LRFN5: variants seen among roughly 807,000 people sequenced by gnomAD.
The protein encoded by LRFN5 is leucine rich repeat and fibronectin type III domain containing 5.
LRFN5 carries 24 observed loss-of-function variants against 45.6 expected under a neutral mutation model. The ratio of observed to expected loss-of-function variants is 0.53; its 90% CI spans 0.38 to 0.74. The LOEUF (loss-of-function observed/expected upper bound fraction) is 0.74, where lower values mean the gene tolerates loss of function less well. Ranked by LOEUF, LRFN5 falls within the 30% of genes least tolerant of loss-of-function variation. The pLI is 0.00. For missense variants in LRFN5, 776 were observed against 861.5 expected, an observed-to-expected ratio of 0.90 and a Z score of 1.24; for synonymous variants, 340 against 313.8, an observed-to-expected ratio of 1.08 and a Z score of -0.88.
rs1890594485 is a variant in LRFN5 at position 41,886,948 on chromosome 14, G to A, written c.323G>A (p.Ser108Asn). ...LRNLRALHLN[S>N]NRLTKITNDM... ...AATTTGAGGGCTTTGCATTTGAATA[G>A]CAACAGATTGACTAAAATTACAAAT... The change falls in exon 3 of 6, where the codon AGC becomes AAC. Residue 108 changes from serine (S) to asparagine (N), a missense_variant. By Grantham distance (46) the Ser-to-Asn change is conservative (BLOSUM62 1). Around this residue, in one of 2 missense-constraint regions of LRFN5, gnomAD observed 311 missense variants for 405.1 expected, o/e 0.77. Transcript: ENST00000298119. 1 of 1,614,062 alleles carries A rather than the reference G, an allele frequency of 6.2e-7. No homozygotes were observed. Among genetic ancestry groups the A allele is most frequent in the South Asian group, 1.1e-5 (1 of 91,084 alleles).
rs34638721 is a variant in LRFN5, at chr14:41,797,224, T to A, written c.-21+30195T>A. Among the ~76,000 whole-genome samples, 402 of 151,922 alleles carry A rather than the reference T, an allele frequency of 2.6e-3. 3 individuals are homozygous for A. Among genetic ancestry groups the A allele is most frequent in the Non-Finnish European group, 4.9e-3 (333 of 67,796 alleles). On this transcript the variant is annotated intron_variant, in intron 2 of 5. Transcript: ENST00000298119. Reference sequence around the variant, plus strand: ...TTCATGGCATTTGAAATTATTTATTTATTTGGGCATTAATTTTGAAATTAT... The same window carrying A: ...TTCATGGCATTTGAAATTATTTATTAATTTGGGCATTAATTTTGAAATTAT...
chr14:41,793,329 G>C (rs1356436439), intron 2 of LRFN5, among the ~76,000 whole-genome samples: 1 of 151,964 alleles, frequency 6.6e-6, no homozygotes, highest in Admixed American at 6.6e-5. Flanking sequence ...TTGGAGATGA[G>C]ATAAAATGCA....
intron 2 of LRFN5, among the ~76,000 whole-genome samples, chr14:41,846,518 A>G (rs1889074248): frequency 6.6e-6 from 1 of 152,176 alleles, no homozygotes; most frequent in South Asian, 2.1e-4. Context: ...CCATATACAT[A>G]CCATTCAAAA....
Position 41,720,771 on chromosome 14 carries a change from T to A in LRFN5, c.-196-46083T>A, listed in dbSNP as rs188523972. Among the ~76,000 whole-genome samples the A allele has an allele frequency of 8.6e-3, 1,311 of 152,238 alleles. 9 individuals are homozygous for A. Among genetic ancestry groups the A allele is most frequent in the Non-Finnish European group, 0.014 (944 of 67,960 alleles). The stretch of plus-strand genomic sequence containing the variant: ...TGGTTGGTGTCATTTTGATTTTTTT[T>A]AAATTTATTGAGACTTGCTTTATGG... On this transcript the variant is annotated intron_variant, in intron 1 of 5. Transcript: ENST00000298119.
At chr14:41,854,827 T>A (rs955080245) in intron 2 of LRFN5, among the ~76,000 whole-genome samples, 7 of 152,174 alleles carry the variant, frequency 4.6e-5, no homozygotes, top group Admixed American at 4.6e-4. Flanking sequence ...AGCCTAATTA[T>A]CTTGTAGGTT....
chr14:41,754,551 G>T (rs142290232), intron 1 of LRFN5, among the ~76,000 whole-genome samples: 1 of 152,026 alleles, frequency 6.6e-6, no homozygotes, highest in East Asian at 1.9e-4. Context: ...GTTTATTTGC[G>T]TAGAGGTGTT....
At chr14:41,902,919 T>A (rs1891144599) in intron 5 of LRFN5, among the ~76,000 whole-genome samples, 1 of 151,714 alleles carries the variant, frequency 6.6e-6, no homozygotes, top group Non-Finnish European at 1.5e-5. Context: ...TTTAGTAATA[T>A]ATACCATTAC....
intron 1 of LRFN5, among the ~76,000 whole-genome samples, chr14:41,683,111 A>C (rs1881973622): frequency 6.6e-6 from 1 of 152,202 alleles, no homozygotes; most frequent in Non-Finnish European, 1.5e-5. Context: ...TACATTAAAA[A>C]CATTATTCAG....
intron 2 of LRFN5, among the ~76,000 whole-genome samples, chr14:41,834,097 C>T (rs1214205294): frequency 6.6e-6 from 1 of 151,706 alleles, no homozygotes; most frequent in African/African-American, 2.4e-5. Context: ...TACTTGCTTC[C>T]AGATCTACAT....
chr14:41,671,605 T>TTTTTTTTTTC (rs1881219144), intron 1 of LRFN5, among the ~76,000 whole-genome samples: 1 of 72,110 alleles, frequency 1.4e-5, no homozygotes, highest in African/African-American at 6.4e-5. Flanking sequence ...GGAGGAGAGA[T>TTTTTTTTTTC]TTTTTTTTTT....
At chr14:41,873,476 T>C (rs1890091482) in intron 2 of LRFN5, among the ~76,000 whole-genome samples, 1 of 151,732 alleles carries the variant, frequency 6.6e-6, no homozygotes, top group African/African-American at 2.4e-5. Flanking sequence ...TTCAGTGATA[T>C]AAAATCTTCC....
chr14:41,696,851 G>A (rs1421038835), intron 1 of LRFN5, among the ~76,000 whole-genome samples: 2 of 151,814 alleles, frequency 1.3e-5, no homozygotes, highest in African/African-American at 2.4e-5. Flanking sequence ...GAACCTGTAG[G>A]CCATTTGTAT....
chr14:41,633,329 T>C (rs952194495), intron 1 of LRFN5, among the ~76,000 whole-genome samples: 5 of 152,170 alleles, frequency 3.3e-5, no homozygotes, highest in Non-Finnish European at 7.4e-5. Flanking sequence ...AAAATTTCAC[T>C]GTTTAATTCT....
intron 1 of LRFN5, among the ~76,000 whole-genome samples, chr14:41,703,970 T>TCACTCCGA (rs1394445374): frequency 6.6e-6 from 1 of 152,138 alleles, no homozygotes; most frequent in Non-Finnish European, 1.5e-5. Flanking sequence ...GACTTGCTTA[T>TCACTCCGA]CACTCCGATC....
chr14:41,784,057 A>AT (rs1243449570), intron 2 of LRFN5, among the ~76,000 whole-genome samples: 4 of 152,044 alleles, frequency 2.6e-5, no homozygotes, highest in African/African-American at 9.7e-5. Context: ...AGGATTTAAG[A>AT]TTTTTTTCTT....
intron 2 of LRFN5, among the ~76,000 whole-genome samples, chr14:41,863,441 A>G (rs887049153): frequency 2.0e-5 from 3 of 152,188 alleles, no homozygotes; most frequent in Non-Finnish European, 4.4e-5. Context: ...TTATAGTTAT[A>G]TCCCACAAGA....
chr14:41,821,574 A>G (rs1315468797), intron 2 of LRFN5, among the ~76,000 whole-genome samples: 34 of 152,072 alleles, frequency 2.2e-4, no homozygotes. Context: ...CATCAGGGAT[A>G]CCAGCCTGTA....
intron 2 of LRFN5, among the ~76,000 whole-genome samples, chr14:41,856,315 T>G (rs1889450077): frequency 6.6e-6 from 1 of 152,232 alleles, no homozygotes; most frequent in Non-Finnish European, 1.5e-5. Context: ...ATTTAGCAGA[T>G]AGTCCTTGAA....
At chr14:41,822,877 G>C (rs1197848567) in intron 2 of LRFN5, among the ~76,000 whole-genome samples, 1 of 127,898 alleles carries the variant, frequency 7.8e-6, no homozygotes, top group Non-Finnish European at 1.6e-5. Context: ...TTGCTGCATT[G>C]ATCTCTTTCT....
Sources: allele counts gnomAD v4.1 joint callset (sites outside exome capture counted in the v4.1 genomes callset), GRCh38; gene constraint gnomAD v4.1.1; regional missense constraint gnomAD v4.1.1; transcripts MANE v1.5; gene names NCBI Gene and HGNC (gene_info 2026-07-23, HGNC 2026-07-21).